The following ELAVL1 variants were observed in gnomAD, a reference collection of about 807,000 sequenced individuals.
ELAVL1 encodes the protein ELAV like RNA binding protein 1.
In ELAVL1, 1 loss-of-function variant was observed where a neutral mutation model predicts 28.4. That is an observed-to-expected ratio of 0.04 (90% CI 0.01 to 0.17). The LOEUF is 0.17. Among genes scored for constraint, ELAVL1 ranks in the 10% least tolerant of loss-of-function variants. ELAVL1 has a pLI of 1.00. For missense variants in ELAVL1, 157 were observed against 447.2 expected, an observed-to-expected ratio of 0.35 and a Z score of 5.85; for synonymous variants, 174 against 183.5, an observed-to-expected ratio of 0.95 and a Z score of 0.42.
chr19:7,961,559 T>G lies in ELAVL1; in HGVS notation c.*1924A>C, dbSNP rs1011311572. The G allele has an allele frequency of 1.3e-5, 2 of 152,230 alleles. No individual in the cohort carries two copies. Among genetic ancestry groups the G allele is most frequent in the Admixed American group, 6.5e-5 (1 of 15,286 alleles). The allele number at this position is 152,230 out of a possible 1,614,324, so 9.4% of individuals were successfully genotyped here. A position where few individuals can be genotyped will look rare whatever the true frequency, so the allele number is the denominator to read the frequency against. On this transcript the variant is annotated 3_prime_UTR_variant, in exon 6 of 6. Transcript: ENST00000407627. The stretch of plus-strand genomic sequence containing the variant: ...GCAACAGAGCAGGGACCCTCTTTTG[T>G]GTCGAATCCGGGCAATGGGCCTCGG...
chr19:7,968,852 G>T (rs536668726), intron 4 of ELAVL1, among the ~76,000 whole-genome samples: 1 of 152,322 alleles, frequency 6.6e-6, no homozygotes, highest in East Asian at 1.9e-4. Context: ...TGGGAAGCGG[G>T]CTGGAAACTG....
At chr19:7,987,118 G>GA (rs934788126) in intron 2 of ELAVL1, among the ~76,000 whole-genome samples, 4 of 89,644 alleles carry the variant, frequency 4.5e-5, no homozygotes, top group South Asian at 2.7e-4. Context: ...GGGGGTGCCG[G>GA]GGGGGGGGGA....
chr19:8,004,713 A>C (rs1003189728), intron 1 of ELAVL1, among the ~76,000 whole-genome samples: 1 of 152,168 alleles, frequency 6.6e-6, no homozygotes, highest in African/African-American at 2.4e-5. Flanking sequence ...AAGGGGGCTC[A>C]GTCCCACCAC....
intron 1 of ELAVL1, among the ~76,000 whole-genome samples, chr19:7,995,814 T>C (rs1045525058): frequency 1.1e-4 from 17 of 151,098 alleles, no homozygotes; most frequent in Non-Finnish European, 2.4e-4. Flanking sequence ...AAACTGGATA[T>C]CATCAAAATT....
intron 1 of ELAVL1, among the ~76,000 whole-genome samples, chr19:8,002,387 C>T (rs2081071172): frequency 6.6e-6 from 1 of 152,098 alleles, no homozygotes; most frequent in Non-Finnish European, 1.5e-5. Flanking sequence ...CTGAGATGAC[C>T]TACACACATC....
intron 2 of ELAVL1, among the ~76,000 whole-genome samples, chr19:7,988,786 T>A (rs777697962): frequency 2.6e-5 from 4 of 152,084 alleles, no homozygotes; most frequent in Non-Finnish European, 4.4e-5. Context: ...GAGCCACAGA[T>A]GTGGAGGAAC....
At chr19:8,000,673 C>A (rs908387867) in intron 1 of ELAVL1, among the ~76,000 whole-genome samples, 5 of 152,252 alleles carry the variant, frequency 3.3e-5, no homozygotes, top group Admixed American at 1.3e-4. Context: ...AAAGCACCAC[C>A]TGACCCAGTT....
At chr19:7,995,970 T>A (rs1985864205) in intron 1 of ELAVL1, among the ~76,000 whole-genome samples, 3 of 151,758 alleles carry the variant, frequency 2.0e-5, no homozygotes, top group Non-Finnish European at 4.4e-5. Context: ...TGAAGTGCAA[T>A]GCCATAATCA....
intron 2 of ELAVL1, among the ~76,000 whole-genome samples, chr19:7,987,250 G>C (rs1192387485): frequency 6.6e-6 from 1 of 152,152 alleles, no homozygotes; most frequent in Non-Finnish European, 1.5e-5. Flanking sequence ...CCCGACCAGA[G>C]ATATACAGCA....
At chr19:7,999,523 T>G (rs1278542426) in intron 1 of ELAVL1, among the ~76,000 whole-genome samples, 2 of 152,168 alleles carry the variant, frequency 1.3e-5, no homozygotes, top group Non-Finnish European at 2.9e-5. Context: ...ATGTCAGTGG[T>G]GAGAACCTTG....
chr19:7,968,010 A>G (rs762664469), intron 4 of ELAVL1, among the ~76,000 whole-genome samples: 47 of 152,252 alleles, frequency 3.1e-4, no homozygotes, highest in Non-Finnish European at 6.3e-4. Flanking sequence ...GGCTGAAGCC[A>G]TGACTCCACA....
intron 2 of ELAVL1, among the ~76,000 whole-genome samples, chr19:7,984,977 T>C (rs1033527762): frequency 6.6e-6 from 1 of 152,206 alleles, no homozygotes; most frequent in African/African-American, 2.4e-5. Flanking sequence ...TCTCAGTCTG[T>C]TGCCAAGACT....
At chr19:7,972,800 C>CCT (rs775522151) in intron 4 of ELAVL1, 1 of 42,050 alleles carries the variant, frequency 2.4e-5, no homozygotes, top group Non-Finnish European at 4.2e-5. Flanking sequence ...CTGCAGTATC[C>CCT]TTTTTTTTTT....
chr19:8,002,345 G>A (rs1438671762), intron 1 of ELAVL1: 3 of 363,808 alleles, frequency 8.2e-6, no homozygotes, highest in African/African-American at 2.1e-5. Context: ...CATCAGCCAG[G>A]GCATAATTCT....
At chr19:8,003,855 G>C (rs985951334) in intron 1 of ELAVL1, among the ~76,000 whole-genome samples, 2 of 152,172 alleles carry the variant, frequency 1.3e-5, no homozygotes, top group African/African-American at 2.4e-5. Context: ...CGAAGTTGCA[G>C]AATTTGATAA....
At chr19:7,992,910 G>A (rs1985789121) in intron 1 of ELAVL1, among the ~76,000 whole-genome samples, 1 of 152,170 alleles carries the variant, frequency 6.6e-6, no homozygotes, top group African/African-American at 2.4e-5. Context: ...TGAGTAGCTG[G>A]GAACGCAGGC....
chr19:7,984,391 C>T (rs887867685), intron 2 of ELAVL1, among the ~76,000 whole-genome samples: 3 of 152,166 alleles, frequency 2.0e-5, no homozygotes, highest in South Asian at 2.1e-4. Context: ...GCGTGGCTGA[C>T]GTGAGCATTC....
At chr19:7,993,311 G>A (rs1190837338) in intron 1 of ELAVL1, among the ~76,000 whole-genome samples, 1 of 152,088 alleles carries the variant, frequency 6.6e-6, no homozygotes, top group African/African-American at 2.4e-5. Flanking sequence ...CCAGATTTCC[G>A]ATTGCTTTCT....
chr19:7,967,898 G>A, intron 4 of ELAVL1, 108 bp from the exon 5 acceptor site: 6 of 1,229,342 alleles, frequency 4.9e-6, no homozygotes, highest in Non-Finnish European at 6.7e-6. Context: ...TAGAAGTCTG[G>A]TTAAGGAAAT....
Sources: allele counts gnomAD v4.1 joint callset (sites outside exome capture counted in the v4.1 genomes callset), GRCh38; gene constraint gnomAD v4.1.1; transcripts MANE v1.5; gene names NCBI Gene and HGNC (gene_info 2026-07-23, HGNC 2026-07-21).